The following RPN1 variants were observed in gnomAD, a reference collection of about 807,000 sequenced individuals.
RPN1 encodes the protein ribophorin I.
RPN1 carries 12 observed loss-of-function variants against 55.5 expected under a neutral mutation model. That is an observed-to-expected ratio of 0.22 (90% CI 0.14 to 0.35). The LOEUF (loss-of-function observed/expected upper bound fraction) is 0.35. Among genes scored for constraint, RPN1 ranks in the 10% least tolerant of loss-of-function variants. The pLI, the probability that RPN1 is intolerant of heterozygous loss-of-function variation, is 1.00. For synonymous variants in RPN1, 317 were observed against 305.9 expected, an observed-to-expected ratio of 1.04 and a Z score of -0.38; for missense variants, 679 against 761.3, an observed-to-expected ratio of 0.89 and a Z score of 1.27.
chr3:128,622,447 G>A lies in RPN1; in HGVS notation c.1396-38C>T, dbSNP rs772542596. ...GAGGCACCATGTGTGACAACATCCA[G>A]GCTTGGGTCCACTCTGACCTTATCT... On this transcript the variant is annotated intron_variant, in intron 8 of 9. Coordinates refer to ENST00000296255, the MANE Select transcript of RPN1 (RefSeq NM_002950.4). 1.9e-6 allele frequency: 3 copies of A among 1,612,114 alleles called. No homozygotes were observed. The Admixed American group carries it at 5.0e-5, about 27-fold the overall frequency.
intron 9 of RPN1, 83 bp downstream of exon 9, chr3:128,622,081 G>T: frequency 3.7e-6 from 5 of 1,358,326 alleles, no homozygotes; most frequent in Non-Finnish European, 4.1e-6. Flanking sequence ...GTAAGCAAGA[G>T]AGCTGCCCAG....
chr3:128,624,821 C>T (rs1233756648), intron 8 of RPN1, among the ~76,000 whole-genome samples: 2 of 151,784 alleles, frequency 1.3e-5, no homozygotes, highest in Non-Finnish European at 1.5e-5. Flanking sequence ...GGCAACAGAG[C>T]GAGACTCCAT....
At chr3:128,639,042 T>C (rs1047581257) in intron 2 of RPN1, among the ~76,000 whole-genome samples, 11 of 152,052 alleles carry the variant, frequency 7.2e-5, no homozygotes, top group Admixed American at 3.9e-4. Flanking sequence ...CAATAGAATA[T>C]TGGCAGTCAT....
intron 2 of RPN1, among the ~76,000 whole-genome samples, chr3:128,641,351 C>T (rs537934992): frequency 2.6e-5 from 4 of 152,168 alleles, no homozygotes; most frequent in African/African-American, 7.2e-5. Flanking sequence ...ATAAAGCCCA[C>T]GCCTTTAATA....
In RPN1 at chr3:128,619,973, G is replaced by A. The variant is rs2069545921; in HGVS notation, c.*438C>T. ...GATCTTCAACAGACCAAAAACAAAT[G>A]TTCACAGTCCCTGCTTTATTTCCAT... On this transcript the variant is annotated 3_prime_UTR_variant, in exon 10 of 10. Coordinates refer to ENST00000296255, the MANE Select transcript of RPN1 (RefSeq NM_002950.4). The A allele has an allele frequency of 4.9e-6, 1 of 202,672 alleles. No individual in the cohort carries two copies. Among genetic ancestry groups the A allele is most frequent in the Non-Finnish European group, 9.9e-6 (1 of 100,722 alleles). 12.6% of individuals were successfully genotyped at this position (202,672 alleles called of 1,614,324 possible). A position where few individuals can be genotyped will look rare whatever the true frequency, so the allele number is the denominator to read the frequency against.
intron 7 of RPN1, 50 bp from the exon 8 acceptor site, chr3:128,625,703 G>A (rs2069593889): frequency 1.9e-6 from 3 of 1,611,650 alleles, no homozygotes; most frequent in East Asian, 2.2e-5. Flanking sequence ...GGACATGGGA[G>A]CCTAGACTCA....
intron 3 of RPN1, among the ~76,000 whole-genome samples, chr3:128,637,005 G>C (rs999213215): frequency 1.3e-5 from 2 of 152,178 alleles, no homozygotes; most frequent in Non-Finnish European, 2.9e-5. Flanking sequence ...GGGAGACAAA[G>C]GCAGGAAGAT....
Position 128,637,763 on chromosome 3 carries a change from G to A in RPN1, c.633+36C>T, listed in dbSNP as rs779595262. The A allele has an allele frequency of 2.5e-5, 39 of 1,591,082 alleles. 1 individual carries two copies. The highest frequency in any genetic ancestry group is 2.9e-5 in the Non-Finnish European group (34 of 1,164,764). ...GTCACTCTGCAAGACATTCTCTGAA[G>A]CAGACAGGGATGGGCTGGACTCCAC... On this transcript the variant is annotated intron_variant, in intron 3 of 9. Coordinates refer to ENST00000296255, the MANE Select transcript of RPN1 (RefSeq NM_002950.4).
At chr3:128,644,045 A>G (rs2069748272) in intron 2 of RPN1, among the ~76,000 whole-genome samples, 1 of 152,186 alleles carries the variant, frequency 6.6e-6, no homozygotes, top group Non-Finnish European at 1.5e-5. Flanking sequence ...GCCTTCAAAG[A>G]AGTTACCACT....
chr3:128,647,882 AAAGAG>A (rs2069780636), intron 1 of RPN1, among the ~76,000 whole-genome samples: 1 of 152,102 alleles, frequency 6.6e-6, no homozygotes, highest in South Asian at 2.1e-4. Flanking sequence ...TTGGTGGTAA[AAAGAG>A]AAGCAACCAC....
At chr3:128,631,049 C>T (rs2069637327) in intron 4 of RPN1, among the ~76,000 whole-genome samples, 1 of 147,874 alleles carries the variant, frequency 6.8e-6, no homozygotes, top group African/African-American at 2.5e-5. Flanking sequence ...GGAGGCAGAG[C>T]TTGCCGTGAG....
At chr3:128,631,285 C>A (rs1456435119) in intron 4 of RPN1, among the ~76,000 whole-genome samples, 2 of 151,724 alleles carry the variant, frequency 1.3e-5, no homozygotes, top group Admixed American at 6.6e-5. Context: ...ACCAGCCTGT[C>A]CAACATGGAG....
In RPN1 at chr3:128,650,544, A is replaced by C; in HGVS notation, c.257T>G (p.Val86Gly). ...CGAGGGGTCGCCCACACTCACCTGC[A>C]CGCCCAGGTGCGCCAGCCGGGCCTC... ...ELEARLAHLG[V>G]QVKGEDEEEN... Residue 86 changes from valine to glycine, a missense_variant, in exon 1 of 10, where the codon GTG becomes GGG. Physicochemically the swap from Val to Gly is moderately radical, Grantham distance 109. Transcript: ENST00000296255. 6.5e-7 allele frequency: 1 copy of C among 1,540,134 alleles called. No individual in the cohort carries two copies. The highest frequency in any genetic ancestry group is 8.7e-7 in the Non-Finnish European group (1 of 1,144,630).
At chr3:128,642,814 C>T (rs1406267375) in intron 2 of RPN1, among the ~76,000 whole-genome samples, 3 of 149,626 alleles carry the variant, frequency 2.0e-5, no homozygotes, top group African/African-American at 7.4e-5. Flanking sequence ...CTGAGGAGTT[C>T]GAGACCAGCC....
intron 9 of RPN1, among the ~76,000 whole-genome samples, chr3:128,621,428 G>A (rs892505518): frequency 1.3e-5 from 2 of 152,104 alleles, no homozygotes; most frequent in Non-Finnish European, 2.9e-5. Flanking sequence ...CTGGAGGTGG[G>A]GCTTGCAGTG....
chr3:128,620,972 G>C (rs1315119218), intron 9 of RPN1, among the ~76,000 whole-genome samples: 1 of 152,198 alleles, frequency 6.6e-6, no homozygotes, highest in Non-Finnish European at 1.5e-5. Flanking sequence ...ATCAGTTCCA[G>C]GGATTCAATT....
At chr3:128,625,685 G>C in intron 7 of RPN1, 32 bp from the exon 8 acceptor site, 1 of 1,613,264 alleles carries the variant, frequency 6.2e-7, no homozygotes, top group Non-Finnish European at 8.5e-7. Context: ...GCTTCATCGG[G>C]GCTGTAGGGA....
intron 1 of RPN1, 33 bp downstream of exon 1, chr3:128,650,507 C>T (rs1022895043): frequency 1.3e-6 from 2 of 1,511,606 alleles, no homozygotes; most frequent in Non-Finnish European, 1.8e-6. Flanking sequence ...GGAAGGGTCC[C>T]GGGAGCGGCG....
At chr3:128,647,045 C>T (rs1408110166) in intron 1 of RPN1, among the ~76,000 whole-genome samples, 1 of 151,672 alleles carries the variant, frequency 6.6e-6, no homozygotes, top group African/African-American at 2.4e-5. Context: ...TTTGGGGTAC[C>T]CTCACAGCAA....
Sources: gnomAD v4.1 joint callset for allele counts (sites outside exome capture counted in the v4.1 genomes callset) on GRCh38, gnomAD v4.1.1 for gene constraint, MANE v1.5 for transcripts, NCBI Gene and HGNC (gene_info 2026-07-23, HGNC 2026-07-21) for gene names.